The following CSE1L variants were observed in gnomAD, a reference collection of about 807,000 sequenced individuals.
CSE1L encodes the protein exportin-2.
Under a neutral mutation model 120.4 loss-of-function variants are expected in CSE1L, and 24 were observed. The ratio of observed to expected loss-of-function variants is 0.20; its 90% CI spans 0.14 to 0.28. CSE1L has a LOEUF of 0.28. Among genes scored for constraint, CSE1L ranks in the 10% least tolerant of loss-of-function variants. The pLI, the probability that CSE1L is intolerant of heterozygous loss-of-function variation, is 1.00. For missense variants in CSE1L, 830 were observed against 1,145.2 expected, an observed-to-expected ratio of 0.72 and a Z score of 3.97; for synonymous variants, 402 against 398.3, an observed-to-expected ratio of 1.01 and a Z score of -0.11.
rs147294135 is a variant in CSE1L at position 49,070,692 on chromosome 20, C to T, written c.768+395C>T. On this transcript the variant is annotated intron_variant, in intron 8 of 24. Coordinates refer to ENST00000262982, the MANE Select transcript of CSE1L (RefSeq NM_001316.4). Reference sequence around the variant, plus strand: ...ACACCTGTAATCCCAGCACTTTGGGCGGCCAAGGTGGGGAGGATCCCTTGA... The same window carrying T: ...ACACCTGTAATCCCAGCACTTTGGGTGGCCAAGGTGGGGAGGATCCCTTGA... Among the ~76,000 whole-genome samples the T allele has an allele frequency of 2.5e-3, 202 of 79,874 alleles. 3 individuals carry two copies. The highest frequency in any genetic ancestry group is 0.02 in the African/African-American group (173 of 8,748). 52.4% of individuals were successfully genotyped at this position (79,874 alleles called of 152,430 possible).
intron 3 of CSE1L, among the ~76,000 whole-genome samples, chr20:49,065,612 T>TTTTTTTTTTTG (rs1388898035): frequency 7.1e-6 from 1 of 140,416 alleles, no homozygotes; most frequent in Admixed American, 7.3e-5. Context: ...TTTTTTTTTT[T>TTTTTTTTTTTG]GAGACAGAGT....
intron 15 of CSE1L, among the ~76,000 whole-genome samples, 159 bp from the exon 16 acceptor site, chr20:49,085,124 C>G (rs2092045045): frequency 6.6e-6 from 1 of 152,216 alleles, no homozygotes; most frequent in South Asian, 2.1e-4. Flanking sequence ...AACATGAGCA[C>G]ATGTAAAAAA....
At chr20:49,066,561 G>C (rs1168484333) in intron 5 of CSE1L, 51 bp downstream of exon 5, 1 of 1,511,928 alleles carries the variant, frequency 6.6e-7, no homozygotes. Flanking sequence ...AGTTTTATTT[G>C]CTTGTGTAAA....
chr20:49,057,834 G>A (rs1262193122), intron 1 of CSE1L, among the ~76,000 whole-genome samples: 1 of 152,112 alleles, frequency 6.6e-6, no homozygotes, highest in Admixed American at 6.6e-5. Flanking sequence ...ATTTTACCAT[G>A]TTGACCAGGC....
chr20:49,054,369 G>A (rs889390231), intron 1 of CSE1L, among the ~76,000 whole-genome samples: 8 of 152,124 alleles, frequency 5.3e-5, no homozygotes, highest in South Asian at 2.1e-4. Flanking sequence ...GCTCCCCACC[G>A]CTCAGTTGTC....
chr20:49,072,142 G>T, intron 8 of CSE1L, 144 bp from the exon 9 acceptor site: 1 of 774,634 alleles, frequency 1.3e-6, no homozygotes, highest in Non-Finnish European at 2.1e-6. Context: ...TGAAAAGATT[G>T]GTGGTGGCAT....
chr20:49,077,402 C>G (rs1354040216), intron 13 of CSE1L, among the ~76,000 whole-genome samples: 1 of 151,984 alleles, frequency 6.6e-6, no homozygotes, highest in African/African-American at 2.4e-5. Flanking sequence ...TCAGGTGATC[C>G]ACCTGCGTCG....
rs776808570 is a variant in CSE1L, at chr20:49,066,407, C to A, written c.373C>A (p.Gln125Lys). The change falls in exon 5 of 25, where the codon CAG becomes AAG. Residue 125 changes from glutamine (Q) to lysine (K), a missense_variant. Physicochemically the swap from Gln to Lys is moderately conservative, Grantham distance 53 (BLOSUM62 1). Transcript: ENST00000262982. The part of the protein sequence containing the change: ...ISIIGREDFP[Q>K]KWPDLLTEMV... The stretch of plus-strand genomic sequence containing the variant: ...CATTATTGGCAGAGAAGATTTTCCA[C>A]AGAAATGGCCTGACTTGCTGACAGA... 3.0e-5 allele frequency: 48 copies of A among 1,614,098 alleles called. No homozygotes were observed. Among genetic ancestry groups the A allele is most frequent in the Non-Finnish European group, 3.7e-5 (44 of 1,180,026 alleles).
intron 1 of CSE1L, among the ~76,000 whole-genome samples, chr20:49,056,544 A>G (rs2091808745): frequency 6.6e-6 from 1 of 152,182 alleles, no homozygotes; most frequent in East Asian, 1.9e-4. Context: ...GTCACCCCCA[A>G]AAAGTTCCCT....
chr20:49,070,174 CA>C, intron 7 of CSE1L, 30 bp from the exon 8 acceptor site: 1 of 1,045,960 alleles, frequency 9.6e-7, no homozygotes, highest in East Asian at 2.5e-5. Context: ...ATATTTTAAT[CA>C]AAAGTTTCAA....
At chr20:49,095,074 T>A (rs1257368394) in intron 24 of CSE1L, 111 bp downstream of exon 24, 2 of 821,354 alleles carry the variant, frequency 2.4e-6, no homozygotes, top group Admixed American at 2.2e-5. Flanking sequence ...TAAAACTAAA[T>A]CTCATTGAGT....
At chr20:49,063,867 A>G (rs2091870541) in intron 3 of CSE1L, among the ~76,000 whole-genome samples, 2 of 152,254 alleles carry the variant, frequency 1.3e-5, no homozygotes, top group South Asian at 4.1e-4. Context: ...CAACTTTTTG[A>G]TAAGGTATTT....
At chr20:49,070,396 A>G in intron 8 of CSE1L, 99 bp downstream of exon 8, 1 of 630,864 alleles carries the variant, frequency 1.6e-6, no homozygotes, top group South Asian at 1.8e-5. Flanking sequence ...GTTAAAAGAT[A>G]AAATTTCAAT....
rs2092073217 is a variant in CSE1L, at chr20:49,087,990, C to A, written c.1724-19C>A. The A allele has an allele frequency of 2.1e-6, 3 of 1,454,534 alleles. No individual in the cohort carries two copies. Among genetic ancestry groups the A allele is most frequent in the Non-Finnish European group, 2.8e-6 (3 of 1,062,066 alleles). 90.1% of individuals were successfully genotyped at this position (1,454,534 alleles called of 1,614,324 possible). ...TTTAACTAAACTCTATTTGTTTTTG[C>A]TGTTTTTGTATTTTACAGCTATCAT... is the stretch of plus-strand genomic sequence containing the variant. On this transcript the variant is annotated intron_variant, in intron 16 of 24. Transcript: ENST00000262982.
At chr20:49,089,889 G>C in intron 19 of CSE1L, 143 bp downstream of exon 19, 1 of 724,052 alleles carries the variant, frequency 1.4e-6, no homozygotes, top group Non-Finnish European at 2.3e-6. Flanking sequence ...AGCCTCTAGT[G>C]GGAGGATCCC....
At chr20:49,085,186 T>C in intron 15 of CSE1L, 97 bp from the exon 16 acceptor site, 1 of 874,498 alleles carries the variant, frequency 1.1e-6, no homozygotes, top group Non-Finnish European at 1.9e-6. Flanking sequence ...ATGGCTCAGT[T>C]TTATGCTGAG....
chr20:49,048,148 T>C (rs565885068), intron 1 of CSE1L, among the ~76,000 whole-genome samples: 34 of 85,612 alleles, frequency 4.0e-4, no homozygotes, highest in South Asian at 1.3e-3. Context: ...GTCTCTCTCT[T>C]TTTTTTTTTT....
At chr20:49,067,304 TTTTTAAATTAATA>T in intron 6 of CSE1L, 24 bp downstream of exon 6, 1 of 1,444,582 alleles carries the variant, frequency 6.9e-7, no homozygotes, top group Non-Finnish European at 9.6e-7. Flanking sequence ...CTTGGTGATA[TTTTTAAATTAATA>T]TTTTAAATTG....
chr20:49,077,995 C>A (rs1223722673), intron 13 of CSE1L, among the ~76,000 whole-genome samples: 2 of 151,530 alleles, frequency 1.3e-5, no homozygotes, highest in Non-Finnish European at 2.9e-5. Context: ...CAGAGCGAGA[C>A]TCTGTCTCAA....
Sources: allele counts gnomAD v4.1 joint callset (sites outside exome capture counted in the v4.1 genomes callset), GRCh38; gene constraint gnomAD v4.1.1; transcripts MANE v1.5; gene names NCBI Gene and HGNC (gene_info 2026-07-23, HGNC 2026-07-21).